The following TMEM163 variants were observed in gnomAD, a reference collection of about 807,000 sequenced individuals.
The protein encoded by TMEM163 is transmembrane protein 163.
TMEM163 carries 17 observed loss-of-function variants against 29.3 expected under a neutral mutation model. The observed-to-expected ratio is 0.58, with a 90% CI of 0.40 to 0.87. TMEM163 has a LOEUF of 0.87. Ranked by LOEUF, TMEM163 falls within the 40% of genes least tolerant of loss-of-function variation. The probability of loss-of-function intolerance (pLI) is 0.00; values close to 1 mark genes in which losing one functional copy is unlikely to be tolerated. For synonymous variants in TMEM163, 157 were observed against 160.6 expected, an observed-to-expected ratio of 0.98 and a Z score of 0.17; for missense variants, 303 against 381.5, an observed-to-expected ratio of 0.79 and a Z score of 1.71.
At chr2:134,511,154 G>GGGGC (rs1679938514) in intron 4 of TMEM163, among the ~76,000 whole-genome samples, 1 of 35,456 alleles carries the variant, frequency 2.8e-5, no homozygotes, top group African/African-American at 3.0e-4. Context: ...AGAACAAGGC[G>GGGGC]GGGGGGGGTG....
At chr2:134,655,774 C>A (rs1332813403) in intron 2 of TMEM163, among the ~76,000 whole-genome samples, 1 of 142,000 alleles carries the variant, frequency 7.0e-6, no homozygotes, top group Non-Finnish European at 1.5e-5. Context: ...ACAGACAGGA[C>A]CCTCAGCTGC....
At position 134,602,852 on chromosome 2, in the gene TMEM163, C is replaced by G. The variant is rs192428727; in HGVS notation, c.323-50761G>C. On this transcript the variant is annotated intron_variant, in intron 2 of 7. Transcript: ENST00000281924. ...AGGACTCTTGTCTCCTCCCGTCCCT[C>G]CTTCTCCCTGGGGATCCCATTGGCT... is the stretch of plus-strand genomic sequence containing the variant. 4.5e-3 allele frequency among the ~76,000 whole-genome samples: 689 copies of G among 152,184 alleles called. 3 individuals carry two copies. The highest frequency in any genetic ancestry group is 0.022 in the South Asian group (107 of 4,820).
chr2:134,713,143 A>G, intron 2 of TMEM163, 57 bp downstream of exon 2: 2 of 1,582,756 alleles, frequency 1.3e-6, no homozygotes, highest in Non-Finnish European at 1.7e-6. Context: ...CACAGGAATT[A>G]GAGAATAAAA....
chr2:134,492,814 G>T (rs1445184253), intron 5 of TMEM163, among the ~76,000 whole-genome samples: 1 of 152,200 alleles, frequency 6.6e-6, no homozygotes, highest in Non-Finnish European at 1.5e-5. Context: ...AAACATTTGT[G>T]TAAGAGTCTT....
chr2:134,474,311 CT>C (rs1192878957), intron 5 of TMEM163, among the ~76,000 whole-genome samples: 1 of 152,162 alleles, frequency 6.6e-6, no homozygotes, highest in African/African-American at 2.4e-5. Flanking sequence ...AAATGTGTCA[CT>C]ACCCACTCAT....
At chr2:134,678,422 A>ACCC (rs1449496248) in intron 2 of TMEM163, among the ~76,000 whole-genome samples, 5 of 152,316 alleles carry the variant, frequency 3.3e-5, no homozygotes, top group African/African-American at 1.2e-4. Flanking sequence ...TAGGGTTGCA[A>ACCC]ATGGTCTCAG....
chr2:134,496,157 G>T (rs940314441), intron 5 of TMEM163, among the ~76,000 whole-genome samples: 2 of 151,964 alleles, frequency 1.3e-5, no homozygotes, highest in African/African-American at 4.8e-5. Context: ...CACCTCCAGG[G>T]TTCAACCAAT....
rs146168326 is a variant in TMEM163 at position 134,669,604 on chromosome 2, G to A, written c.322+43596C>T. The stretch of plus-strand genomic sequence containing the variant: ...TCTCTCAGTGTGACCCTGACATTCC[G>A]TCACTGACAGTGGGTCTGGTTTCCC... On this transcript the variant is annotated intron_variant, in intron 2 of 7. Coordinates refer to ENST00000281924, the MANE Select transcript of TMEM163 (RefSeq NM_030923.5). Among the ~76,000 whole-genome samples, 8 of 152,268 alleles carry A rather than the reference G, an allele frequency of 5.3e-5. No homozygotes were observed. The East Asian group carries it at 9.7e-4, about 18-fold the overall frequency.
At chr2:134,643,206 A>C (rs1683259580) in intron 2 of TMEM163, among the ~76,000 whole-genome samples, 1 of 152,244 alleles carries the variant, frequency 6.6e-6, no homozygotes, top group Non-Finnish European at 1.5e-5. Flanking sequence ...GTAATATAAC[A>C]ACAACTTTAT....
intron 2 of TMEM163, among the ~76,000 whole-genome samples, chr2:134,646,532 C>A (rs892524218): frequency 6.6e-6 from 1 of 152,056 alleles, no homozygotes; most frequent in African/African-American, 2.4e-5. Context: ...GCAACCTCCA[C>A]CTCCCAGGTT....
At chr2:134,592,557 G>A (rs1016503567) in intron 2 of TMEM163, among the ~76,000 whole-genome samples, 1 of 152,118 alleles carries the variant, frequency 6.6e-6, no homozygotes, top group African/African-American at 2.4e-5. Flanking sequence ...ATGCTGGTCA[G>A]CTATGCCTAA....
chr2:134,553,892 G>T (rs1005652275), intron 2 of TMEM163, among the ~76,000 whole-genome samples: 7 of 152,230 alleles, frequency 4.6e-5, no homozygotes, highest in African/African-American at 1.7e-4. Flanking sequence ...TGGCGGGACT[G>T]CTGCAAGCAC....
intron 2 of TMEM163, among the ~76,000 whole-genome samples, chr2:134,588,426 T>C (rs1199782536): frequency 6.6e-6 from 1 of 152,096 alleles, no homozygotes; most frequent in Non-Finnish European, 1.5e-5. Context: ...AAAAGACAAT[T>C]ATCACCTTGG....
At chr2:134,690,830 T>A (rs1684448939) in intron 2 of TMEM163, among the ~76,000 whole-genome samples, 1 of 152,224 alleles carries the variant, frequency 6.6e-6, no homozygotes, top group Non-Finnish European at 1.5e-5. Context: ...AGCCTAATAC[T>A]AGCAAAATGC....
At chr2:134,581,445 C>T (rs1158812701) in intron 2 of TMEM163, among the ~76,000 whole-genome samples, 1 of 152,216 alleles carries the variant, frequency 6.6e-6, no homozygotes, top group Non-Finnish European at 1.5e-5. Context: ...CTCCACTTTA[C>T]TTTGGTGAGA....
At chr2:134,565,610 G>GAA (rs57236850) in intron 2 of TMEM163, among the ~76,000 whole-genome samples, 5,073 of 135,078 alleles carry the variant, frequency 0.038, 296 homozygotes, top group African/African-American at 0.13. Context: ...TCTGTCTCCA[G>GAA]AAAAAAAAAA....
chr2:134,567,040 C>T (rs749208930), intron 2 of TMEM163, among the ~76,000 whole-genome samples: 34 of 152,176 alleles, frequency 2.2e-4, no homozygotes, highest in Non-Finnish European at 3.5e-4. Context: ...CAGATGATTT[C>T]CTCATTAGAA....
intron 2 of TMEM163, among the ~76,000 whole-genome samples, chr2:134,673,862 A>G (rs767191859): frequency 1.4e-4 from 22 of 152,236 alleles, no homozygotes; most frequent in Non-Finnish European, 3.1e-4. Context: ...CAGAACTGTC[A>G]GATAATAACT....
At chr2:134,516,767 G>GCATATATATGAATATATATATA (rs1680077846) in intron 4 of TMEM163, among the ~76,000 whole-genome samples, 1 of 105,802 alleles carries the variant, frequency 9.5e-6, no homozygotes, top group African/African-American at 3.0e-5. Context: ...AGATATATAT[G>GCATATATATGAATATATATATA]TGCATATCTA....
Sources: allele counts gnomAD v4.1 joint callset (sites outside exome capture counted in the v4.1 genomes callset), GRCh38; gene constraint gnomAD v4.1.1; transcripts MANE v1.5; gene names NCBI Gene and HGNC (gene_info 2026-07-23, HGNC 2026-07-21).